Variants in RAB4B observed in about 807,000 individuals in gnomAD.
The protein encoded by RAB4B is RAB4B, member RAS oncogene family.
RAB4B carries 15 observed loss-of-function variants against 28.3 expected under a neutral mutation model. The ratio of observed to expected loss-of-function variants is 0.53; its 90% CI spans 0.35 to 0.82. The LOEUF (loss-of-function observed/expected upper bound fraction) is 0.82, where lower values mean the gene tolerates loss of function less well. Ranked by LOEUF, RAB4B falls within the 40% of genes least tolerant of loss-of-function variation. The pLI is 0.01. For missense variants in RAB4B, 244 were observed against 288.5 expected, an observed-to-expected ratio of 0.85 and a Z score of 1.12; for synonymous variants, 108 against 116.3, an observed-to-expected ratio of 0.93 and a Z score of 0.46.
In RAB4B at chr19:40,786,713, A is replaced by C; in HGVS notation, c.479A>C (p.Glu160Ala). ...TSALTGENVE[E>A]AFLKCARTIL... ...GCTCTCACAGGCGAGAACGTGGAGGAGGCGTTCCTCAAGTGTGCCCGCACT... is the reference window on the plus strand; with the variant it reads ...GCTCTCACAGGCGAGAACGTGGAGGCGGCGTTCCTCAAGTGTGCCCGCACT... The change falls in exon 6 of 8, where the codon GAG (glutamate) becomes GCG (alanine). Residue 160 changes from glutamate (E) to alanine (A), a missense_variant. Physicochemically the swap from Glu to Ala is moderately radical, Grantham distance 107. Transcript: ENST00000357052. 1 of 1,614,056 alleles carries C rather than the reference A, an allele frequency of 6.2e-7. No homozygotes were observed. The highest frequency in any genetic ancestry group is 2.2e-5 in the East Asian group (1 of 44,852).
At chr19:40,793,708 G>A (rs1262621379) in intron 7 of RAB4B, among the ~76,000 whole-genome samples, 1 of 147,830 alleles carries the variant, frequency 6.8e-6, no homozygotes, top group Non-Finnish European at 1.5e-5. Context: ...GGCAGATCAC[G>A]AGGTCAGGAG....
intron 3 of RAB4B, 59 bp from the exon 4 acceptor site, chr19:40,783,719 G>A (rs2083072216): frequency 1.3e-6 from 2 of 1,482,376 alleles, no homozygotes; most frequent in South Asian, 2.8e-5. Context: ...TCTGTAGAGG[G>A]GGGCATTCTC....
intron 3 of RAB4B, among the ~76,000 whole-genome samples, chr19:40,781,659 C>T (rs1427832619): frequency 6.6e-6 from 1 of 151,482 alleles, no homozygotes; most frequent in Non-Finnish European, 1.5e-5. Context: ...GAGAGAAATG[C>T]GTAGGGCTCA....
At chr19:40,794,387 T>A (rs188748051) in intron 7 of RAB4B, 149 of 148,586 alleles carry the variant, frequency 1.0e-3, no homozygotes, top group African/African-American at 3.2e-3. Flanking sequence ...TTTACAAAAT[T>A]TTTTTTTTTA....
rs529711106 is a variant in RAB4B, at chr19:40,792,257, T to G, written c.*16-4313T>G. The G allele has an allele frequency of 5.9e-5, 9 of 152,372 alleles. No individual in the cohort carries two copies. In the South Asian group the frequency reaches 1.9e-3, roughly 32 times the overall value. 9.4% of individuals were successfully genotyped at this position (152,372 alleles called of 1,614,324 possible). A position where few individuals can be genotyped will look rare whatever the true frequency, so the allele number is the denominator to read the frequency against. On this transcript the variant is annotated intron_variant, in intron 7 of 7. Coordinates refer to ENST00000357052, the MANE Select transcript of RAB4B (RefSeq NM_016154.5). Reference sequence around the variant, plus strand: ...GTGCCTGAGCCTAAGTTTGCTCATCTGTAAAATGAGGCTAATAATAGCACC... The same window carrying G: ...GTGCCTGAGCCTAAGTTTGCTCATCGGTAAAATGAGGCTAATAATAGCACC...
intron 7 of RAB4B, chr19:40,796,123 C>G (rs562554666): frequency 7.2e-5 from 11 of 152,520 alleles, no homozygotes; most frequent in African/African-American, 2.4e-4. Flanking sequence ...CCTCAGCCCC[C>G]CAGGTAGCTG....
At chr19:40,795,113 G>A (rs539720639) in intron 7 of RAB4B, among the ~76,000 whole-genome samples, 2 of 148,100 alleles carry the variant, frequency 1.4e-5, no homozygotes, top group East Asian at 2.0e-4. Context: ...AGCTTGCAGT[G>A]AGCCTAGATC....
chr19:40,780,371 C>G lies in RAB4B; in HGVS notation c.98-14C>G. On this transcript the variant is annotated splice_polypyrimidine_tract_variant and intron_variant, in intron 2 of 7. Coordinates refer to ENST00000357052, the MANE Select transcript of RAB4B (RefSeq NM_016154.5). Reference sequence around the variant, plus strand: ...CTCTCCCTGTACTGCCCCTTCTGTTCCTCCTACTCCCAGTCAAACAGGACT... The same window carrying G: ...CTCTCCCTGTACTGCCCCTTCTGTTGCTCCTACTCCCAGTCAAACAGGACT... The G allele has an allele frequency of 6.3e-7, 1 of 1,593,564 alleles. No homozygotes were observed. Among genetic ancestry groups the G allele is most frequent in the East Asian group, 2.3e-5 (1 of 43,744 alleles).
intron 7 of RAB4B, among the ~76,000 whole-genome samples, chr19:40,795,206 A>G (rs915723903): frequency 1.8e-4 from 27 of 147,604 alleles, no homozygotes; most frequent in Admixed American, 4.7e-4. Flanking sequence ...TGAGCCAGCC[A>G]GTTGCAGGAT....
At chr19:40,793,433 G>A (rs1256008311) in intron 7 of RAB4B, among the ~76,000 whole-genome samples, 3 of 150,880 alleles carry the variant, frequency 2.0e-5, no homozygotes, top group African/African-American at 4.9e-5. Flanking sequence ...AAGAGATGGG[G>A]TTTCACCATG....
At chr19:40,783,147 CAAAAAAAAAA>C (rs1168587843) in intron 3 of RAB4B, among the ~76,000 whole-genome samples, 3 of 35,682 alleles carry the variant, frequency 8.4e-5, no homozygotes, top group Admixed American at 3.7e-4. Context: ...GATTCCTACT[CAAAAAAAAAA>C]AAAAAAAAAA....
intron 7 of RAB4B, among the ~76,000 whole-genome samples, chr19:40,790,141 T>A (rs10403040): frequency 0.23 from 35,140 of 151,824 alleles, 5,114 homozygotes; most frequent in African/African-American, 0.42. Context: ...AAGGACAGGA[T>A]CAGATTCAGG....
intron 1 of RAB4B, among the ~76,000 whole-genome samples, chr19:40,778,767 G>C (rs1214149779): frequency 6.6e-6 from 1 of 152,084 alleles, no homozygotes. Context: ...ATGGAAGCTC[G>C]GGACCCTGGG....
Position 40,780,116 on chromosome 19 carries a change from G to A in RAB4B, c.97+17G>A. 1.2e-6 allele frequency: 2 copies of A among 1,613,280 alleles called. No individual in the cohort carries two copies. The highest frequency in any genetic ancestry group is 2.2e-5 in the East Asian group (1 of 44,878). ...AGAATAAGTGTGAGTTTCCCGCAGTGGTCCTGGGAACCCTGAGCTGTGTTT... is the reference window on the plus strand; with the variant it reads ...AGAATAAGTGTGAGTTTCCCGCAGTAGTCCTGGGAACCCTGAGCTGTGTTT... On this transcript the variant is annotated intron_variant, in intron 2 of 7. Transcript: ENST00000357052.
At chr19:40,787,092 C>A in intron 7 of RAB4B, 114 bp downstream of exon 7, 5 of 964,542 alleles carry the variant, frequency 5.2e-6, no homozygotes, top group Admixed American at 2.3e-5. Flanking sequence ...GAGAAAGATG[C>A]AAAAACACAC....
intron 3 of RAB4B, among the ~76,000 whole-genome samples, chr19:40,783,268 C>A (rs1032205596): frequency 6.7e-6 from 1 of 149,638 alleles, no homozygotes; most frequent in Admixed American, 6.7e-5. Context: ...CCCATCTTTA[C>A]AAAAAATATT....
intron 1 of RAB4B, chr19:40,779,759 A>G (rs1305929200): frequency 3.5e-6 from 3 of 849,958 alleles, no homozygotes; most frequent in East Asian, 4.0e-5. Flanking sequence ...AAACAAAAAC[A>G]ACGACAAAAA....
chr19:40,785,235 A>G (rs1278180387), intron 5 of RAB4B, among the ~76,000 whole-genome samples: 1 of 150,840 alleles, frequency 6.6e-6, no homozygotes, highest in African/African-American at 2.4e-5. Flanking sequence ...GCCAACCACA[A>G]TGGCTCACAC....
At position 40,783,819 on chromosome 19, in the gene RAB4B, T is replaced by C; in HGVS notation, c.254T>C (p.Leu85Pro). 6.9e-7 allele frequency: 1 copy of C among 1,445,516 alleles called. No homozygotes were observed. Among genetic ancestry groups the C allele is most frequent in the Non-Finnish European group, 9.3e-7 (1 of 1,080,010 alleles). 89.5% of individuals were successfully genotyped at this position (1,445,516 alleles called of 1,614,324 possible). A position where few individuals can be genotyped will look rare whatever the true frequency, so the allele number is the denominator to read the frequency against. Reference sequence around the variant, plus strand: ...TATTACCGAGGGGCGGCTGGAGCCCTGCTGGTGTACGACATCACCAGGTGG... The same window carrying C: ...TATTACCGAGGGGCGGCTGGAGCCCCGCTGGTGTACGACATCACCAGGTGG... The part of the protein sequence containing the change: ...RSYYRGAAGA[L>P]LVYDITSRET... Residue 85 changes from leucine to proline, a missense_variant, in exon 4 of 8, where the codon CTG (leucine) becomes CCG (proline). Physicochemically the swap from Leu to Pro is moderately conservative, Grantham distance 98. Coordinates refer to ENST00000357052, the MANE Select transcript of RAB4B (RefSeq NM_016154.5).
Sources: gnomAD v4.1 joint callset for allele counts (sites outside exome capture counted in the v4.1 genomes callset) on GRCh38, gnomAD v4.1.1 for gene constraint, MANE v1.5 for transcripts, NCBI Gene and HGNC (gene_info 2026-07-23, HGNC 2026-07-21) for gene names.